The following FAT3 variants were observed in gnomAD, a reference collection of about 807,000 sequenced individuals.
FAT3 encodes the protein FAT atypical cadherin 3.
A neutral mutation model predicts 310.2 loss-of-function variants in FAT3; 95 were observed. The ratio of observed to expected loss-of-function variants is 0.31; its 90% CI spans 0.26 to 0.36. The LOEUF (loss-of-function observed/expected upper bound fraction) is 0.36. Ranked by LOEUF, FAT3 falls within the 10% of genes least tolerant of loss-of-function variation. The probability of loss-of-function intolerance (pLI) is 1.00; values close to 1 mark genes in which losing one functional copy is unlikely to be tolerated. For synonymous variants in FAT3, 2,314 were observed against 2,192.9 expected (o/e 1.06, Z -1.54); for missense variants, 5,408 against 5,715.6 (o/e 0.95, Z 1.74).
intron 2 of FAT3, among the ~76,000 whole-genome samples, chr11:92,414,200 C>G (rs904743451): frequency 6.6e-6 from 1 of 152,094 alleles, no homozygotes; most frequent in Non-Finnish European, 1.5e-5. Context: ...ATCTTGCTAA[C>G]AAAATTCACA....
chr11:92,760,001 A>G (rs561336323), intron 4 of FAT3, among the ~76,000 whole-genome samples: 2 of 152,286 alleles, frequency 1.3e-5, no homozygotes, highest in African/African-American at 4.8e-5. Context: ...CAAGAAATCA[A>G]TATGTTTGGT....
intron 4 of FAT3, among the ~76,000 whole-genome samples, chr11:92,718,825 T>C (rs1299750890): frequency 6.6e-6 from 1 of 152,194 alleles, no homozygotes; most frequent in African/African-American, 2.4e-5. Flanking sequence ...ACAGTCTCAT[T>C]ACAGAATGAA....
chr11:92,585,755 T>C (rs1440996719), intron 3 of FAT3, among the ~76,000 whole-genome samples: 1 of 152,012 alleles, frequency 6.6e-6, no homozygotes. Context: ...TTAGCCATTA[T>C]TCTCTGCTAT....
intron 27 of FAT3, among the ~76,000 whole-genome samples, 160 bp from the exon 28 acceptor site, chr11:92,890,331 G>C (rs143757956): frequency 1.6e-4 from 24 of 152,294 alleles, no homozygotes; most frequent in African/African-American, 5.3e-4. Flanking sequence ...CTTGTTGTCC[G>C]CAGGCCAAAG....
chr11:92,391,716 AACAG>A (rs1457417083), intron 2 of FAT3, among the ~76,000 whole-genome samples: 40 of 152,330 alleles, frequency 2.6e-4, no homozygotes, highest in African/African-American at 9.4e-4. Flanking sequence ...TGACATTCAA[AACAG>A]ACAGCTCTGC....
At chr11:92,530,902 G>GAA (rs11464368) in intron 3 of FAT3, among the ~76,000 whole-genome samples, 2,683 of 147,294 alleles carry the variant, frequency 0.018, 38 homozygotes, top group Middle Eastern at 0.032. Flanking sequence ...GGGATTTAAA[G>GAA]AAAAAAAAAA....
At chr11:92,289,528 CACACACACAT>C (rs1190705233) in intron 1 of FAT3, among the ~76,000 whole-genome samples, 10 of 151,732 alleles carry the variant, frequency 6.6e-5, no homozygotes, top group African/African-American at 2.4e-4. Flanking sequence ...CACACACACA[CACACACACAT>C]ATATATGTGC....
intron 2 of FAT3, among the ~76,000 whole-genome samples, chr11:92,396,697 G>A (rs968169669): frequency 6.6e-6 from 1 of 152,036 alleles, no homozygotes; most frequent in Non-Finnish European, 1.5e-5. Flanking sequence ...TGTTTTGTTG[G>A]CCCTTTGTTA....
chr11:92,778,420 G>A (rs538788847), intron 7 of FAT3, among the ~76,000 whole-genome samples: 4 of 152,296 alleles, frequency 2.6e-5, no homozygotes, highest in East Asian at 3.9e-4. Context: ...GTTCACTGGA[G>A]TGATTTTAAA....
At chr11:92,704,637 A>C (rs1396400253) in intron 4 of FAT3, among the ~76,000 whole-genome samples, 1 of 152,182 alleles carries the variant, frequency 6.6e-6, no homozygotes, top group Non-Finnish European at 1.5e-5. Context: ...TTGAAGAGAG[A>C]GGGAAAAGAC....
chr11:92,797,779 A>G, intron 9 of FAT3, 57 bp from the exon 10 acceptor site: 4 of 1,489,276 alleles, frequency 2.7e-6, no homozygotes, highest in Non-Finnish European at 3.7e-6. Context: ...AGAGTTAATC[A>G]AAAAGATTTC....
chr11:92,426,825 G>A (rs1047268687), intron 2 of FAT3, among the ~76,000 whole-genome samples: 6 of 152,132 alleles, frequency 3.9e-5, no homozygotes, highest in Admixed American at 1.3e-4. Flanking sequence ...CTCCAGCTTC[G>A]TTCTTTTTGC....
chr11:92,283,879 A>G (rs1222991067), intron 1 of FAT3, among the ~76,000 whole-genome samples: 3 of 152,144 alleles, frequency 2.0e-5, no homozygotes, highest in African/African-American at 7.2e-5. Flanking sequence ...AGAAGGGGTG[A>G]TAAGTCCCTC....
intron 4 of FAT3, among the ~76,000 whole-genome samples, chr11:92,708,149 C>T (rs923341649): frequency 6.6e-6 from 1 of 152,134 alleles, no homozygotes; most frequent in Admixed American, 6.5e-5. Context: ...GAGCCCTGCA[C>T]GTCAGAGCCA....
Position 92,483,253 on chromosome 11 carries a change from A to T in FAT3, c.3293-41381A>T, listed in dbSNP as rs148795208. Among the ~76,000 whole-genome samples, 4 of 152,156 alleles carry T rather than the reference A, an allele frequency of 2.6e-5. No homozygotes were observed. The East Asian group carries it at 7.7e-4, about 29-fold the overall frequency. ...CTGGAATTTTGCACATGTCCATCAT[A>T]CCCTGACTGCTTTCATAATCTTTCT... On this transcript the variant is annotated intron_variant, in intron 2 of 27. Transcript: ENST00000525166.
intron 1 of FAT3, chr11:92,314,364 A>C: frequency 4.8e-6 from 4 of 827,576 alleles, no homozygotes; most frequent in Non-Finnish European, 5.8e-6. Flanking sequence ...TTGTAAAAAA[A>C]CATATGAAGC....
chr11:92,383,014 G>T (rs1407684172), intron 2 of FAT3, among the ~76,000 whole-genome samples: 2 of 152,244 alleles, frequency 1.3e-5, no homozygotes, highest in Admixed American at 1.3e-4. Context: ...ACAAGCCTCA[G>T]TGTGTGTCGT....
At chr11:92,729,833 A>T (rs1018308031) in intron 4 of FAT3, among the ~76,000 whole-genome samples, 1 of 150,558 alleles carries the variant, frequency 6.6e-6, no homozygotes. Flanking sequence ...AATTTAATTT[A>T]AAAAAAACAT....
At chr11:92,779,760 C>T (rs373163992) in intron 7 of FAT3, among the ~76,000 whole-genome samples, 1 of 152,164 alleles carries the variant, frequency 6.6e-6, no homozygotes, top group East Asian at 1.9e-4. Context: ...CAGAGAGGAT[C>T]CTGGAGTATC....
Sources: allele counts gnomAD v4.1 joint callset (sites outside exome capture counted in the v4.1 genomes callset), GRCh38; gene constraint gnomAD v4.1.1; transcripts MANE v1.5; gene names NCBI Gene and HGNC (gene_info 2026-07-23, HGNC 2026-07-21).